The following ZNF541 variants were observed in gnomAD, a reference collection of about 807,000 sequenced individuals.
ZNF541 encodes zinc finger protein 541.
ZNF541 carries 23 observed loss-of-function variants against 123.5 expected under a neutral mutation model. The observed-to-expected ratio is 0.19, with a 90% CI of 0.13 to 0.26. The LOEUF (loss-of-function observed/expected upper bound fraction) is 0.26, where lower values mean the gene tolerates loss of function less well. Among genes scored for constraint, ZNF541 ranks in the 10% least tolerant of loss-of-function variants. The pLI, the probability that ZNF541 is intolerant of heterozygous loss-of-function variation, is 1.00. For synonymous variants in ZNF541, 751 were observed against 754.5 expected, an observed-to-expected ratio of 1.00 and a Z score of 0.08; for missense variants, 1,612 against 1,789.9, an observed-to-expected ratio of 0.90 and a Z score of 1.79.
At chr19:47,546,206 TAA>T (rs113946046) in intron 4 of ZNF541, among the ~76,000 whole-genome samples, 10 of 125,662 alleles carry the variant, frequency 8.0e-5, no homozygotes, top group Non-Finnish European at 1.3e-4. Context: ...TACAGAAAAG[TAA>T]AAAAAAAAAA....
rs1346589833 is a variant in ZNF541, at chr19:47,521,402, G to A, written c.3888-25C>T. On this transcript the variant is annotated intron_variant, in intron 16 of 16. Coordinates refer to ENST00000391901, the MANE Select transcript of ZNF541 (RefSeq NM_001277075.3). This position sits in a 1 kb window ranked among gnomAD's most constrained non-coding sequence, Gnocchi z 4.2. The stretch of plus-strand genomic sequence containing the variant: ...CCTGAGGAGTCACCAGAGGACATGG[G>A]GTCAGAGCAGGGAGGAAGGGATCAC... 2 of 1,551,458 alleles carry A rather than the reference G, an allele frequency of 1.3e-6. No individual in the cohort carries two copies.
At chr19:47,558,309 G>T (rs71363755) in intron 2 of ZNF541, among the ~76,000 whole-genome samples, 8 of 151,800 alleles carry the variant, frequency 5.3e-5, no homozygotes, top group Non-Finnish European at 1.0e-4. Context: ...CCAGCTACTC[G>T]GGAGGCTGAG....
At chr19:47,531,592 A>C in intron 12 of ZNF541, 50 bp downstream of exon 12, 4 of 1,434,848 alleles carry the variant, frequency 2.8e-6, no homozygotes, top group Non-Finnish European at 3.8e-6. Context: ...ACATGCACCT[A>C]GAACCCTGGG....
At chr19:47,557,501 A>C (rs892780409) in intron 2 of ZNF541, among the ~76,000 whole-genome samples, 10 of 152,196 alleles carry the variant, frequency 6.6e-5, no homozygotes, top group Non-Finnish European at 1.0e-4. Context: ...TCAGTGGACT[A>C]AGGAAAAGTC....
At chr19:47,529,141 T>C in intron 13 of ZNF541, 103 bp from the exon 14 acceptor site, 1 of 833,918 alleles carries the variant, frequency 1.2e-6, no homozygotes, top group Non-Finnish European at 1.9e-6. Flanking sequence ...CATTACTGAG[T>C]ACCAATTATG....
At chr19:47,570,666 A>G (rs1313597475) in intron 2 of ZNF541, among the ~76,000 whole-genome samples, 1 of 152,002 alleles carries the variant, frequency 6.6e-6, no homozygotes, top group Non-Finnish European at 1.5e-5. Flanking sequence ...CAATTAATAA[A>G]CATTTTGAAA....
chr19:47,532,265 A>C lies in ZNF541; in HGVS notation c.3164T>G (p.Ile1055Ser). Residue 1055 changes from isoleucine to serine, a missense_variant, in exon 11 of 17, where the codon ATC becomes AGC. This residue lies in a region of ZNF541 where 285 missense variants were observed against 407.3 expected (regional missense o/e 0.70). Coordinates refer to ENST00000391901, the MANE Select transcript of ZNF541 (RefSeq NM_001277075.3). ...TGCCTGAAACCGGCTTCCTATATTG[A>C]TATGTCTGAAATGAGGCCACACACA... is the stretch of plus-strand genomic sequence containing the variant. The part of the protein sequence containing the change: ...DDTKISIEPH[I>S]NIGSRFQAEI... 1 of 1,551,904 alleles carries C rather than the reference A, an allele frequency of 6.4e-7. No homozygotes were observed. The highest frequency in any genetic ancestry group is 1.2e-5 in the South Asian group (1 of 84,046).
At chr19:47,523,142 C>T (rs1202511918) in intron 14 of ZNF541, among the ~76,000 whole-genome samples, 1 of 150,936 alleles carries the variant, frequency 6.6e-6, no homozygotes, top group Non-Finnish European at 1.5e-5. Context: ...AATTCCTCTG[C>T]CTCAGCCTCC....
In ZNF541 at chr19:47,544,816, G is replaced by C; in HGVS notation, c.1713C>G (p.Ala571=). 6.5e-7 allele frequency: 1 copy of C among 1,532,982 alleles called. No homozygotes were observed. Among genetic ancestry groups the C allele is most frequent in the African/African-American group, 1.4e-5 (1 of 73,132 alleles). The allele number at this position is 1,532,982 out of a possible 1,614,324, so 95.0% of individuals were successfully genotyped here. A position where few individuals can be genotyped will look rare whatever the true frequency, so the allele number is the denominator to read the frequency against. The change falls in exon 5 of 17, where the codon GCC becomes GCG. Residue 571 remains alanine, a synonymous_variant. Transcript: ENST00000391901. The part of the protein sequence containing the change: ...ITKSQRIFSH[A]QVAAVSSQLP... ...GCTGGGAGGAGACTGCTGCCACCTG[G>C]GCATGGGAGAAGATCCGCTGGGACT... is the stretch of plus-strand genomic sequence containing the variant.
intron 4 of ZNF541, among the ~76,000 whole-genome samples, chr19:47,546,866 C>T (rs942755660): frequency 5.9e-5 from 9 of 152,144 alleles, no homozygotes; most frequent in African/African-American, 1.9e-4. Flanking sequence ...ACTACAGGTG[C>T]GTGCCACCAC....
intron 2 of ZNF541, among the ~76,000 whole-genome samples, chr19:47,569,296 T>A (rs994270351): frequency 1.3e-5 from 2 of 152,146 alleles, no homozygotes; most frequent in Admixed American, 6.6e-5. Context: ...TGAGGCTTTA[T>A]GACATGCCAG....
intron 14 of ZNF541, among the ~76,000 whole-genome samples, chr19:47,525,106 G>A (rs1372574081): frequency 1.3e-5 from 2 of 151,968 alleles, no homozygotes; most frequent in Admixed American, 6.6e-5. Flanking sequence ...CCAACATGGT[G>A]AAACCCTGTC....
chr19:47,538,214 C>T lies in ZNF541; in HGVS notation c.3022G>A (p.Gly1008Arg), dbSNP rs1316110325. Residue 1008 changes from glycine (G) to arginine (R), a missense_variant, in exon 9 of 17, where the codon GGG becomes AGG. Coordinates refer to ENST00000391901, the MANE Select transcript of ZNF541 (RefSeq NM_001277075.3). ...GAACAGAGGGTGTTGAAGTACACCC[C>T]AGAGCCCTCCCGGATGGGGCTGAGC... ...PMLSPIREGS[G>R]VYFNTLCSTS... The T allele has an allele frequency of 6.4e-7, 1 of 1,551,590 alleles. No individual in the cohort carries two copies. Among genetic ancestry groups the T allele is most frequent in the East Asian group, 2.4e-5 (1 of 40,906 alleles).
rs772398932 is a variant in ZNF541, at chr19:47,532,109, G to T, written c.3301+19C>A. The T allele has an allele frequency of 4.5e-6, 7 of 1,550,336 alleles. No homozygotes were observed. The South Asian group carries it at 7.1e-5, about 16-fold the overall frequency. On this transcript the variant is annotated intron_variant, in intron 11 of 16. Coordinates refer to ENST00000391901, the MANE Select transcript of ZNF541 (RefSeq NM_001277075.3). ...GGGAAGAAGGGCCCTTAGGAATTTA[G>T]CCCCAAAGCCTCAGCCACCTCTATC...
intron 9 of ZNF541, among the ~76,000 whole-genome samples, chr19:47,535,809 G>A (rs538020083): frequency 8.3e-4 from 124 of 149,382 alleles, no homozygotes; most frequent in Middle Eastern, 6.8e-3. Context: ...TGCAACCTCC[G>A]CTGCCGAGAC....
Position 47,544,995 on chromosome 19 carries a change from G to A in ZNF541, c.1534C>T (p.Leu512=), listed in dbSNP as rs1292438744. ...CCGGGCTCCCCGGGGTTCTGGCACA[G>A]GAAGGAGTCGCAGTCGACCTTGACC... is the stretch of plus-strand genomic sequence containing the variant. ...KKVKVDCDSF[L]CQNPGEPGLQ... Residue 512 remains leucine, a synonymous_variant, in exon 5 of 17, where the codon CTG becomes TTG. Transcript: ENST00000391901. The A allele has an allele frequency of 3.3e-6, 5 of 1,525,302 alleles. No individual in the cohort carries two copies. Among genetic ancestry groups the A allele is most frequent in the Non-Finnish European group, 4.4e-6 (5 of 1,142,074 alleles). The allele number at this position is 1,525,302 out of a possible 1,614,324, so 94.5% of individuals were successfully genotyped here. A position where few individuals can be genotyped will look rare whatever the true frequency, so the allele number is the denominator to read the frequency against.
At chr19:47,534,168 C>T (rs910011994) in intron 9 of ZNF541, among the ~76,000 whole-genome samples, 2 of 152,082 alleles carry the variant, frequency 1.3e-5, no homozygotes, top group Admixed American at 1.3e-4. Context: ...CAAAATGGGG[C>T]TCAATAGGTT....
chr19:47,526,280 G>A (rs897232856), intron 14 of ZNF541, among the ~76,000 whole-genome samples: 3 of 151,942 alleles, frequency 2.0e-5, no homozygotes, highest in Non-Finnish European at 2.9e-5. Flanking sequence ...TTGGGAGTTC[G>A]AGACCAGCCT....
At chr19:47,550,531 T>C (rs1421747877) in intron 3 of ZNF541, among the ~76,000 whole-genome samples, 1 of 152,202 alleles carries the variant, frequency 6.6e-6, no homozygotes, top group Non-Finnish European at 1.5e-5. Flanking sequence ...TTGTTTATAT[T>C]TTATGTATCC....
Sources: allele counts gnomAD v4.1 joint callset (sites outside exome capture counted in the v4.1 genomes callset), GRCh38; gene constraint gnomAD v4.1.1; regional missense constraint gnomAD v4.1.1; non-coding constraint Gnocchi (gnomAD v3.1); transcripts MANE v1.5; gene names NCBI Gene and HGNC (gene_info 2026-07-23, HGNC 2026-07-21).